The following TTC29 variants were observed in gnomAD, a reference collection of about 807,000 sequenced individuals.
The protein encoded by TTC29 is tetratricopeptide repeat domain 29.
TTC29 carries 49 observed loss-of-function variants against 58.1 expected under a neutral mutation model. The ratio of observed to expected loss-of-function variants is 0.84; its 90% CI spans 0.67 to 1.07. TTC29 has a LOEUF of 1.07. Among genes scored for constraint, TTC29 ranks in the 50% least tolerant of loss-of-function variants. The pLI is 0.00. For synonymous variants in TTC29, 209 were observed against 196.8 expected (o/e 1.06, Z -0.52); for missense variants, 582 against 555.6 (o/e 1.05, Z -0.48).
At chr4:146,771,497 G>A (rs1215668201) in intron 11 of TTC29, among the ~76,000 whole-genome samples, 5 of 152,086 alleles carry the variant, frequency 3.3e-5, no homozygotes, top group Non-Finnish European at 4.4e-5. Context: ...ACTTGTTGGC[G>A]AGAACATGCA....
intron 8 of TTC29, among the ~76,000 whole-genome samples, chr4:146,853,069 A>T (rs190051524): frequency 3.9e-5 from 6 of 152,182 alleles, no homozygotes; most frequent in Admixed American, 3.3e-4. Context: ...AACCTATGTA[A>T]AACCTATTAA....
At chr4:146,723,974 T>C (rs1177515508) in intron 11 of TTC29, among the ~76,000 whole-genome samples, 2 of 152,308 alleles carry the variant, frequency 1.3e-5, no homozygotes, top group East Asian at 1.9e-4. Flanking sequence ...GGAGCCAACC[T>C]AGTTTCCCAT....
intron 4 of TTC29, among the ~76,000 whole-genome samples, chr4:146,922,012 CAAAAAA>C (rs34167190): frequency 9.3e-6 from 1 of 107,438 alleles, no homozygotes. Flanking sequence ...GGATCCCCTA[CAAAAAA>C]AAAAAAAAAA....
chr4:146,707,759 T>A (rs947837739), intron 11 of TTC29, among the ~76,000 whole-genome samples: 1 of 152,140 alleles, frequency 6.6e-6, no homozygotes, highest in Admixed American at 6.5e-5. Flanking sequence ...CACGATCTTG[T>A]CAATCCCCCA....
At chr4:146,795,678 A>G (rs564400202) in intron 11 of TTC29, among the ~76,000 whole-genome samples, 102 of 152,294 alleles carry the variant, frequency 6.7e-4, no homozygotes, top group African/African-American at 2.4e-3. Context: ...TCAGAAGCCA[A>G]CAACACATGT....
chr4:146,839,228 G>A (rs138324093), intron 8 of TTC29, among the ~76,000 whole-genome samples: 1,548 of 151,880 alleles, frequency 0.01, 9 homozygotes, highest in Middle Eastern at 0.021. Flanking sequence ...CCAAATAAGC[G>A]CTAATATTTG....
chr4:146,935,717 A>G (rs1560736611), intron 4 of TTC29, among the ~76,000 whole-genome samples: 1 of 152,166 alleles, frequency 6.6e-6, no homozygotes, highest in Non-Finnish European at 1.5e-5. Flanking sequence ...GGGGCCAAGT[A>G]TTTTACAATA....
chr4:146,907,319 G>A (rs1483460619), intron 5 of TTC29, among the ~76,000 whole-genome samples: 1 of 152,114 alleles, frequency 6.6e-6, no homozygotes, highest in East Asian at 1.9e-4. Flanking sequence ...TATGACAAGT[G>A]ACATATTTAG....
intron 9 of TTC29, among the ~76,000 whole-genome samples, chr4:146,820,992 C>T (rs1422118283): frequency 6.6e-6 from 1 of 150,720 alleles, no homozygotes; most frequent in African/African-American, 2.4e-5. Flanking sequence ...AGATCACAGC[C>T]TGGGCAACAG....
intron 9 of TTC29, among the ~76,000 whole-genome samples, chr4:146,821,939 ACCT>A (rs1295274244): frequency 3.3e-5 from 5 of 149,748 alleles, no homozygotes; most frequent in African/African-American, 9.8e-5. Flanking sequence ...GTGCTTTGAA[ACCT>A]GGAGTACATT....
At chr4:146,795,809 A>G (rs1477354101) in intron 11 of TTC29, among the ~76,000 whole-genome samples, 1 of 152,202 alleles carries the variant, frequency 6.6e-6, no homozygotes, top group Non-Finnish European at 1.5e-5. Flanking sequence ...GATTAAATAC[A>G]CATAGGAGAG....
chr4:146,909,073 T>A lies in TTC29; in HGVS notation c.353A>T (p.Asp118Val), dbSNP rs766068229. ...CCTGGTCAGGTAATGGTACAGGTAA[T>A]CCAGTTTATCAGGCTGCTCCTCCAG... ...KPLEEQPDKL[D>V]YLYHYLTRAE... Residue 118 changes from aspartate (D) to valine (V), a missense_variant, in exon 5 of 13, where the codon GAT becomes GTT. Transcript: ENST00000325106. 4 of 1,613,888 alleles carry A rather than the reference T, an allele frequency of 2.5e-6. No homozygotes were observed. In the East Asian group the frequency reaches 8.9e-5, roughly 36 times the overall value.
rs1196094073 is a variant in TTC29 at position 146,809,024 on chromosome 4, G to T, written c.1102-5339C>A. Among the ~76,000 whole-genome samples the T allele has an allele frequency of 3.3e-5, 5 of 150,408 alleles. 1 individual carries two copies. Among genetic ancestry groups the T allele is most frequent in the Admixed American group, 6.8e-5 (1 of 14,690 alleles). On this transcript the variant is annotated intron_variant, in intron 10 of 12. Coordinates refer to ENST00000325106, the MANE Select transcript of TTC29 (RefSeq NM_031956.4). ...ACAGTAACCAAAACAGCATGGTACT[G>T]GTACCAAAACAGAGATATAGATCAA...
At chr4:146,897,074 T>C (rs1697265037) in intron 6 of TTC29, among the ~76,000 whole-genome samples, 1 of 152,016 alleles carries the variant, frequency 6.6e-6, no homozygotes, top group African/African-American at 2.4e-5. Flanking sequence ...GCAAGCAGAG[T>C]GGACAGTCTC....
At chr4:146,815,811 A>G (rs1751359815) in intron 10 of TTC29, among the ~76,000 whole-genome samples, 1 of 152,212 alleles carries the variant, frequency 6.6e-6, no homozygotes, top group Non-Finnish European at 1.5e-5. Context: ...CTGAGCTTTT[A>G]AAAGGATTGT....
intron 4 of TTC29, among the ~76,000 whole-genome samples, chr4:146,918,822 T>C (rs559440698): frequency 2.0e-5 from 3 of 151,262 alleles, no homozygotes; most frequent in African/African-American, 7.2e-5. Context: ...CCAAAATAGT[T>C]ACCCACGGTA....
At chr4:146,942,923 A>G (rs1736545955) in intron 2 of TTC29, 1 of 269,914 alleles carries the variant, frequency 3.7e-6, no homozygotes, top group African/African-American at 2.2e-5. Context: ...AAGAACATCC[A>G]GCTATTTGTA....
At chr4:146,833,755 C>T in intron 9 of TTC29, 51 bp downstream of exon 9, 1 of 1,461,482 alleles carries the variant, frequency 6.8e-7, no homozygotes. Context: ...TTAAGCCTTT[C>T]ACAGTTGAGT....
chr4:146,731,518 A>G (rs1178194797), intron 11 of TTC29, among the ~76,000 whole-genome samples: 1 of 152,106 alleles, frequency 6.6e-6, no homozygotes, highest in East Asian at 1.9e-4. Context: ...AGCTAGTGTT[A>G]TGGTTTCACT....
Sources: allele counts gnomAD v4.1 joint callset (sites outside exome capture counted in the v4.1 genomes callset), GRCh38; gene constraint gnomAD v4.1.1; transcripts MANE v1.5; gene names NCBI Gene and HGNC (gene_info 2026-07-23, HGNC 2026-07-21).